The following FHOD3 variants were observed in gnomAD, a reference collection of about 807,000 sequenced individuals.
FHOD3 encodes FH1/FH2 domain-containing protein 3.
In FHOD3, 90 loss-of-function variants were observed where a neutral mutation model predicts 173.0. The observed-to-expected ratio is 0.52, with a 90% CI of 0.44 to 0.62. FHOD3 has a LOEUF of 0.62. Ranked by LOEUF, FHOD3 falls within the 20% of genes least tolerant of loss-of-function variation. The pLI is 0.00. For missense variants in FHOD3, 1,945 were observed against 2,034.7 expected (o/e 0.96, Z 0.85); for synonymous variants, 828 against 823.0 (o/e 1.01, Z -0.10).
rs146146183 is a variant in FHOD3, at chr18:36,410,117, TC to T, written c.337+37374del. 3.3e-3 allele frequency among the ~76,000 whole-genome samples: 504 copies of T among 152,260 alleles called. 2 individuals carry two copies. Among genetic ancestry groups the T allele is most frequent in the East Asian group, 0.017 (88 of 5,186 alleles). On this transcript the variant is annotated intron_variant, in intron 3 of 28. Transcript: ENST00000590592. ...CCATCACTACAATTTTAGGACATTT[TC>T]ATCATCCTCAAAAAAAACACCACAC...
chr18:36,499,894 T>C (rs1248767544), intron 3 of FHOD3, among the ~76,000 whole-genome samples: 2 of 152,178 alleles, frequency 1.3e-5, no homozygotes, highest in African/African-American at 4.8e-5. Flanking sequence ...GGCTGCATAT[T>C]GTATTTAGAG....
chr18:36,385,695 C>T (rs1483599865), intron 3 of FHOD3, among the ~76,000 whole-genome samples: 3 of 152,214 alleles, frequency 2.0e-5, no homozygotes, highest in Non-Finnish European at 4.4e-5. Context: ...GCCACTGGGC[C>T]TGGCCTCCAG....
At chr18:36,336,588 G>A (rs1330598058) in intron 1 of FHOD3, among the ~76,000 whole-genome samples, 1 of 151,872 alleles carries the variant, frequency 6.6e-6, no homozygotes, top group Non-Finnish European at 1.5e-5. Context: ...TGTAATCCCA[G>A]CACTTTGGGA....
chr18:36,512,118 C>T lies in FHOD3; in HGVS notation c.406-320C>T, dbSNP rs147970638. ...TTCTCCGTGGCCAGTCCCTTGGGAC[C>T]GTGGGGGAGTAGAGCCTGGTGTTTC... On this transcript the variant is annotated intron_variant, in intron 4 of 28. Transcript: ENST00000590592. Among the ~76,000 whole-genome samples, 989 of 152,276 alleles carry T rather than the reference C, an allele frequency of 6.5e-3. 6 individuals carry two copies. The highest frequency in any genetic ancestry group is 0.023 in the African/African-American group (939 of 41,546).
chr18:36,419,690 G>A (rs117500768), intron 3 of FHOD3, among the ~76,000 whole-genome samples: 6 of 152,276 alleles, frequency 3.9e-5, no homozygotes, highest in Non-Finnish European at 8.8e-5. Context: ...GGGTGAATGG[G>A]GCATCTATAA....
chr18:36,460,010 A>G (rs1326973581), intron 3 of FHOD3, among the ~76,000 whole-genome samples: 1 of 152,150 alleles, frequency 6.6e-6, no homozygotes, highest in Admixed American at 6.5e-5. Flanking sequence ...CTGGTCAGAT[A>G]TTGAGTAAAG....
chr18:36,524,246 C>A (rs868528200), intron 5 of FHOD3, among the ~76,000 whole-genome samples: 1 of 149,134 alleles, frequency 6.7e-6, no homozygotes, highest in South Asian at 2.1e-4. Context: ...TGTGCCACTG[C>A]ACTCTAGCCT....
At chr18:36,637,832 T>G (rs2034999464) in intron 10 of FHOD3, among the ~76,000 whole-genome samples, 1 of 152,190 alleles carries the variant, frequency 6.6e-6, no homozygotes, top group Admixed American at 6.5e-5. Context: ...TGGTACAGCA[T>G]GGCAAACAAT....
intron 3 of FHOD3, among the ~76,000 whole-genome samples, chr18:36,411,803 G>A (rs1353341496): frequency 1.3e-5 from 2 of 152,152 alleles, no homozygotes; most frequent in Non-Finnish European, 2.9e-5. Context: ...ACTTATTCCA[G>A]TGCCTTGGCA....
At chr18:36,750,995 AT>A (rs1279793076) in intron 24 of FHOD3, among the ~76,000 whole-genome samples, 1 of 152,092 alleles carries the variant, frequency 6.6e-6, no homozygotes, top group Non-Finnish European at 1.5e-5. Flanking sequence ...TTTTAAAACA[AT>A]TTTTTTCTAG....
At position 36,760,798 on chromosome 18, in the gene FHOD3, G is replaced by A; in HGVS notation, c.4624+16G>A. The A allele has an allele frequency of 1.9e-6, 3 of 1,598,956 alleles. No homozygotes were observed. Among genetic ancestry groups the A allele is most frequent in the Non-Finnish European group, 2.6e-6 (3 of 1,173,328 alleles). On this transcript the variant is annotated intron_variant, in intron 27 of 28. Transcript: ENST00000590592. Reference sequence around the variant, plus strand: ...GCAAGCCGAGGTAACTCCTGGCTGCGCGGGGCTCGTCTTGTCTTCTCAGGT... The same window carrying A: ...GCAAGCCGAGGTAACTCCTGGCTGCACGGGGCTCGTCTTGTCTTCTCAGGT...
intron 8 of FHOD3, among the ~76,000 whole-genome samples, chr18:36,608,685 C>A (rs2032347866): frequency 6.6e-6 from 1 of 152,162 alleles, no homozygotes; most frequent in South Asian, 2.1e-4. Context: ...TCCTGAGAAA[C>A]CACTGATTTA....
intron 1 of FHOD3, among the ~76,000 whole-genome samples, chr18:36,326,520 C>A (rs1399268388): frequency 1.3e-5 from 2 of 152,204 alleles, no homozygotes; most frequent in Non-Finnish European, 2.9e-5. Context: ...GTAATCCCAG[C>A]ACTTTGGGAG....
chr18:36,717,940 C>T lies in FHOD3; in HGVS notation c.2642C>T (p.Ser881Phe). The T allele has an allele frequency of 6.2e-7, 1 of 1,614,018 alleles. No homozygotes were observed. ...LDMLYAHNRK[S>F]PDDEEKGDGE... is the part of the protein sequence containing the mutation. ...ATGCTGTATGCCCATAACAGGAAGT[C>T]TCCGGATGATGAGGAGAAGGGGGAT... is the stretch of plus-strand genomic sequence containing the variant. The change falls in exon 19 of 29, where the codon TCT becomes TTT. Residue 881 changes from serine to phenylalanine, a missense_variant. Physicochemically the swap from Ser to Phe is radical, Grantham distance 155. This residue lies in a region of FHOD3 where 1,099 missense variants were observed against 1,051.2 expected (regional missense o/e 1.05). Transcript: ENST00000590592.
chr18:36,531,831 G>T (rs1209331364), intron 5 of FHOD3, among the ~76,000 whole-genome samples: 1 of 152,204 alleles, frequency 6.6e-6, no homozygotes, highest in Non-Finnish European at 1.5e-5. Flanking sequence ...TGACACCAGA[G>T]CAGTTTGCCC....
intron 1 of FHOD3, among the ~76,000 whole-genome samples, chr18:36,340,186 A>T (rs904601206): frequency 6.6e-6 from 1 of 152,252 alleles, no homozygotes; most frequent in Non-Finnish European, 1.5e-5. Flanking sequence ...AAGAGCTTTG[A>T]TGATTTAAAG....
At chr18:36,652,978 AAC>A in intron 12 of FHOD3, 49 bp downstream of exon 12, 2 of 1,492,584 alleles carry the variant, frequency 1.3e-6, no homozygotes, top group Non-Finnish European at 1.8e-6. Flanking sequence ...CGGGGAGGAG[AAC>A]ACAGTGTGTT....
intron 10 of FHOD3, among the ~76,000 whole-genome samples, chr18:36,638,318 A>G (rs1055065207): frequency 6.6e-6 from 1 of 152,176 alleles, no homozygotes; most frequent in African/African-American, 2.4e-5. Context: ...CTGGGTATCT[A>G]ATAGGCATCT....
chr18:36,376,222 T>G (rs2047434230), intron 3 of FHOD3, among the ~76,000 whole-genome samples: 1 of 152,200 alleles, frequency 6.6e-6, no homozygotes, highest in Non-Finnish European at 1.5e-5. Context: ...AAAATAAGGT[T>G]TGAAGTCGTT....
Sources: gnomAD v4.1 joint callset for allele counts (sites outside exome capture counted in the v4.1 genomes callset) on GRCh38, gnomAD v4.1.1 for gene constraint, gnomAD v4.1.1 regional missense constraint, MANE v1.5 for transcripts, NCBI Gene and HGNC (gene_info 2026-07-23, HGNC 2026-07-21) for gene names.